The following CPA4 variants were observed in gnomAD, a reference collection of about 807,000 sequenced individuals.
CPA4 encodes the protein carboxypeptidase A3.
Under a neutral mutation model 54.7 loss-of-function variants are expected in CPA4, and 49 were observed. That is an observed-to-expected ratio of 0.90 (90% CI 0.71 to 1.14). The LOEUF (loss-of-function observed/expected upper bound fraction) is 1.14, where lower values mean the gene tolerates loss of function less well. CPA4 is among the 50% of genes most tolerant of loss of function. The pLI is 0.00. For synonymous variants in CPA4, 215 were observed against 206.8 expected (o/e 1.04, Z -0.34); for missense variants, 487 against 525.1 (o/e 0.93, Z 0.71).
chr7:130,298,150 C>T (rs1366266929), intron 1 of CPA4, among the ~76,000 whole-genome samples: 1 of 152,160 alleles, frequency 6.6e-6, no homozygotes, highest in African/African-American at 2.4e-5. Context: ...TGAGCGAGCA[C>T]CCAGCCTCGC....
intron 1 of CPA4, 87 bp downstream of exon 1, chr7:130,293,335 C>T: frequency 1.2e-6 from 1 of 820,870 alleles, no homozygotes; most frequent in Non-Finnish European, 2.1e-6. Flanking sequence ...TAATAGCTCA[C>T]ATGGAGGAAG....
intron 4 of CPA4, among the ~76,000 whole-genome samples, chr7:130,301,597 C>A (rs781455186): frequency 9.2e-5 from 14 of 152,144 alleles, no homozygotes; most frequent in Non-Finnish European, 1.6e-4. Context: ...ATCACTCCCC[C>A]ACATCTAAAT....
At chr7:130,304,054 A>T (rs1184408116) in intron 4 of CPA4, among the ~76,000 whole-genome samples, 2 of 150,520 alleles carry the variant, frequency 1.3e-5, no homozygotes, top group South Asian at 2.1e-4. Flanking sequence ...TCTTGTAGAG[A>T]TGGGGTCTCA....
chr7:130,317,714 G>C (rs919456522), intron 10 of CPA4, among the ~76,000 whole-genome samples: 8 of 152,150 alleles, frequency 5.3e-5, no homozygotes, highest in Non-Finnish European at 5.9e-5. Flanking sequence ...CAATCTGTCT[G>C]TCTCAGCCTC....
At chr7:130,305,544 G>A (rs996415706) in intron 5 of CPA4, among the ~76,000 whole-genome samples, 1 of 152,128 alleles carries the variant, frequency 6.6e-6, no homozygotes, top group Non-Finnish European at 1.5e-5. Context: ...TAATGGCACC[G>A]GCATCATAAA....
chr7:130,304,637 C>G, intron 5 of CPA4, 58 bp downstream of exon 5: 1 of 1,027,654 alleles, frequency 9.7e-7, no homozygotes, highest in Non-Finnish European at 1.6e-6. Flanking sequence ...GACCCAGCCT[C>G]AGACCTCTGA....
In CPA4 at chr7:130,312,024, T is replaced by A. The variant is rs967568099; in HGVS notation, c.994-14T>A. On this transcript the variant is annotated splice_polypyrimidine_tract_variant and intron_variant, in intron 9 of 10. Transcript: ENST00000222482. ...GATCGATTTTTTCTCACTCCACGGA[T>A]TCCCCCTTCCCAGGACAAGGTGGCG... 2.5e-6 allele frequency: 4 copies of A among 1,610,208 alleles called. No individual in the cohort carries two copies.
In CPA4 at chr7:130,323,851, T is replaced by C. The variant is rs1030662459; in HGVS notation, c.*1175T>C. ...TGGATAATCTCACTGCCCTGGCACATTCCCATTTGTGCTGTGGTGTATCCT... is the reference window on the plus strand; with the variant it reads ...TGGATAATCTCACTGCCCTGGCACACTCCCATTTGTGCTGTGGTGTATCCT... On this transcript the variant is annotated 3_prime_UTR_variant, in exon 11 of 11. Coordinates refer to ENST00000222482, the MANE Select transcript of CPA4 (RefSeq NM_016352.4). 5.9e-5 allele frequency: 9 copies of C among 152,636 alleles called. No individual in the cohort carries two copies. Among genetic ancestry groups the C allele is most frequent in the African/African-American group, 2.2e-4 (9 of 41,362 alleles). The allele number at this position is 152,636 out of a possible 1,614,324, so 9.5% of individuals were successfully genotyped here.
chr7:130,318,010 T>C (rs1333805481), intron 10 of CPA4, among the ~76,000 whole-genome samples: 1 of 152,200 alleles, frequency 6.6e-6, no homozygotes, highest in Non-Finnish European at 1.5e-5. Flanking sequence ...CATCAGATGA[T>C]GTTGGTGTTT....
At chr7:130,297,299 G>A (rs980434431) in intron 1 of CPA4, among the ~76,000 whole-genome samples, 3 of 152,084 alleles carry the variant, frequency 2.0e-5, no homozygotes, top group African/African-American at 4.8e-5. Flanking sequence ...GGTGCTTGCC[G>A]AGGTCAGGGA....
At chr7:130,297,403 A>G (rs1338914478) in intron 1 of CPA4, among the ~76,000 whole-genome samples, 4 of 152,138 alleles carry the variant, frequency 2.6e-5, no homozygotes, top group African/African-American at 9.7e-5. Context: ...ACCCAGTGGT[A>G]TCTCTTCAGG....
At chr7:130,303,772 A>C (rs1290462351) in intron 4 of CPA4, among the ~76,000 whole-genome samples, 1 of 149,520 alleles carries the variant, frequency 6.7e-6, no homozygotes, top group Non-Finnish European at 1.5e-5. Flanking sequence ...GGGACCACAG[A>C]TACACGCCAC....
rs1793854414 is a variant in CPA4 at position 130,308,185 on chromosome 7, C to T, written c.703-122C>T. 8.8e-6 allele frequency: 7 copies of T among 791,624 alleles called. No individual in the cohort carries two copies. In the East Asian group the frequency reaches 1.7e-4, roughly 19 times the overall value. 49.0% of individuals were successfully genotyped at this position (791,624 alleles called of 1,614,324 possible). On this transcript the variant is annotated intron_variant, in intron 7 of 10. Coordinates refer to ENST00000222482, the MANE Select transcript of CPA4 (RefSeq NM_016352.4). ...AACTGCTCAATGAGGACTAGGAGCCCCAGGGCCCTCCTGGCAGAACTGCAA... is the reference window on the plus strand; with the variant it reads ...AACTGCTCAATGAGGACTAGGAGCCTCAGGGCCCTCCTGGCAGAACTGCAA...
At chr7:130,311,951 C>A in intron 9 of CPA4, 87 bp from the exon 10 acceptor site, 1 of 1,006,440 alleles carries the variant, frequency 9.9e-7, no homozygotes, top group Non-Finnish European at 1.6e-6. Flanking sequence ...GGCTGAGAAT[C>A]TTCCAAACCA....
At position 130,300,320 on chromosome 7, in the gene CPA4, C is replaced by A. The variant is rs1182656870; in HGVS notation, c.286-496C>A. Among the ~76,000 whole-genome samples, 7 of 150,066 alleles carry A rather than the reference C, an allele frequency of 4.7e-5. No individual in the cohort carries two copies. In the East Asian group the frequency reaches 1.4e-3, roughly 29 times the overall value. On this transcript the variant is annotated intron_variant, in intron 3 of 10. Transcript: ENST00000222482. ...TTTGAATGAGGCCATGTAAATTGGGCCCCAAGAAGTAAATTTTTTTTTTTT... is the reference window on the plus strand; with the variant it reads ...TTTGAATGAGGCCATGTAAATTGGGACCCAAGAAGTAAATTTTTTTTTTTT...
At position 130,322,615 on chromosome 7, in the gene CPA4, C is replaced by A. The variant is rs369598784; in HGVS notation, c.1205C>A (p.Ala402Glu). The A allele has an allele frequency of 7.7e-5, 124 of 1,614,080 alleles. 1 individual carries two copies. Among genetic ancestry groups the A allele is most frequent in the Non-Finnish European group, 1.0e-4 (122 of 1,180,040 alleles). Residue 402 changes from alanine (A) to glutamate (E), a missense_variant, in exon 11 of 11, where the codon GCA (alanine) becomes GAA (glutamate). Coordinates refer to ENST00000222482, the MANE Select transcript of CPA4 (RefSeq NM_016352.4). The part of the protein sequence containing the change: ...LLPANQIIPT[A>E]EETWLGLKTI... ...CCAGCTAACCAGATCATCCCCACTG[C>A]AGAGGAGACGTGGCTGGGGCTGAAG... is the stretch of plus-strand genomic sequence containing the variant.
intron 8 of CPA4, among the ~76,000 whole-genome samples, 187 bp downstream of exon 8, chr7:130,308,584 A>G (rs1053746569): frequency 6.6e-6 from 1 of 151,922 alleles, no homozygotes; most frequent in African/African-American, 2.4e-5. Flanking sequence ...TTGAGATGGA[A>G]TCTCACTCTG....
rs577495619 is a variant in CPA4 at position 130,304,498 on chromosome 7, C to T, written c.405C>T (p.Asn135=). The T allele has an allele frequency of 1.1e-5, 17 of 1,610,922 alleles. No homozygotes were observed. In the South Asian group the frequency reaches 1.4e-4, roughly 14 times the overall value. ...TTCAGATTTACCACGAGATGGACAACATTGCCGCAGACTTTCCTGACCTGG... is the reference window on the plus strand; with the variant it reads ...TTCAGATTTACCACGAGATGGACAATATTGCCGCAGACTTTCCTGACCTGG... ...SLEAIYHEMD[N]IAADFPDLAR... is the part of the protein sequence containing the mutation. Residue 135 remains asparagine (N), a synonymous_variant, in exon 5 of 11, where the codon AAC becomes AAT. Coordinates refer to ENST00000222482, the MANE Select transcript of CPA4 (RefSeq NM_016352.4).
rs1452894051 is a variant in CPA4 at position 130,322,725 on chromosome 7, A to C, written c.*49A>C. ...TTTATTTGTACCCACACGTGCACGCACTGAGGCCATTGTTAAAGGAGCTCT... is the reference window on the plus strand; with the variant it reads ...TTTATTTGTACCCACACGTGCACGCCCTGAGGCCATTGTTAAAGGAGCTCT... On this transcript the variant is annotated 3_prime_UTR_variant, in exon 11 of 11. Coordinates refer to ENST00000222482, the MANE Select transcript of CPA4 (RefSeq NM_016352.4). 5 of 1,548,618 alleles carry C rather than the reference A, an allele frequency of 3.2e-6. No individual in the cohort carries two copies. The highest frequency in any genetic ancestry group is 4.4e-6 in the Non-Finnish European group (5 of 1,141,206).
Sources: allele counts gnomAD v4.1 joint callset (sites outside exome capture counted in the v4.1 genomes callset), GRCh38; gene constraint gnomAD v4.1.1; transcripts MANE v1.5; gene names NCBI Gene and HGNC (gene_info 2026-07-23, HGNC 2026-07-21).